SLC30A8: variants seen among roughly 807,000 people sequenced by gnomAD.
SLC30A8 encodes the protein proton-coupled zinc antiporter SLC30A8.
In SLC30A8, 27 loss-of-function variants were observed where a neutral mutation model predicts 36.9. The ratio of observed to expected loss-of-function variants is 0.73; its 90% CI spans 0.54 to 1.01. The LOEUF (loss-of-function observed/expected upper bound fraction) is 1.01, where lower values mean the gene tolerates loss of function less well. SLC30A8 is among the 50% of genes least tolerant of loss of function. The pLI, the probability that SLC30A8 is intolerant of heterozygous loss-of-function variation, is 0.00. For synonymous variants in SLC30A8, 164 were observed against 172.4 expected (o/e 0.95, Z 0.38); for missense variants, 439 against 452.0 (o/e 0.97, Z 0.26).
chr8:117,125,013 A>G (rs1021791814), intron 2 of SLC30A8, among the ~76,000 whole-genome samples: 4 of 151,974 alleles, frequency 2.6e-5, no homozygotes, highest in African/African-American at 9.7e-5. Context: ...TAAAAAAAAT[A>G]TTGAGATACC....
intron 2 of SLC30A8, among the ~76,000 whole-genome samples, chr8:117,083,100 C>A (rs1218988143): frequency 6.6e-6 from 1 of 152,220 alleles, no homozygotes; most frequent in Non-Finnish European, 1.5e-5. Flanking sequence ...ATTCCATTTA[C>A]TTTCCCCACA....
chr8:117,102,069 A>G (rs1394875), intron 2 of SLC30A8, among the ~76,000 whole-genome samples: 40,289 of 152,014 alleles, frequency 0.27, 6,177 homozygotes, highest in African/African-American at 0.43. Context: ...ATTTCATGCT[A>G]GATTCCAACT....
rs115044987 is a variant in SLC30A8 at position 117,029,407 on chromosome 8, A to T, written c.-265-9812A>T. The stretch of plus-strand genomic sequence containing the variant: ...TTTGTTTTATTTTAAGAGAATTTCA[A>T]TGAGATTGGAAATTTAGTTTCAGAG... On this transcript the variant is annotated intron_variant, in intron 1 of 10. Transcript: ENST00000427715. Among the ~76,000 whole-genome samples, 6 of 152,290 alleles carry T rather than the reference A, an allele frequency of 3.9e-5. 1 individual carries two copies. Among genetic ancestry groups the T allele is most frequent in the African/African-American group, 1.4e-4 (6 of 41,566 alleles).
intron 1 of SLC30A8, chr8:117,039,116 C>T (rs1817306618): frequency 1.3e-5 from 2 of 152,120 alleles, no homozygotes; most frequent in Non-Finnish European, 2.9e-5. Context: ...CAGTCTTGTG[C>T]ACCTACTGCA....
At chr8:117,100,055 C>T (rs1563596629) in intron 2 of SLC30A8, among the ~76,000 whole-genome samples, 1 of 152,110 alleles carries the variant, frequency 6.6e-6, no homozygotes, top group Non-Finnish European at 1.5e-5. Flanking sequence ...GCACTGTACC[C>T]TCCACCCCTT....
intron 2 of SLC30A8, among the ~76,000 whole-genome samples, chr8:117,066,969 A>T (rs1403004081): frequency 6.6e-6 from 1 of 152,186 alleles, no homozygotes; most frequent in Non-Finnish European, 1.5e-5. Flanking sequence ...TTATAAAGGA[A>T]AGAGGTTTAA....
chr8:116,997,005 G>T (rs1333315128), intron 1 of SLC30A8, among the ~76,000 whole-genome samples: 1 of 148,380 alleles, frequency 6.7e-6, no homozygotes, highest in African/African-American at 2.5e-5. Flanking sequence ...ACGGAGTTTT[G>T]CTCTTGTCAC....
chr8:116,971,103 A>G (rs1234041575), intron 1 of SLC30A8, among the ~76,000 whole-genome samples: 2 of 152,116 alleles, frequency 1.3e-5, no homozygotes, highest in Non-Finnish European at 2.9e-5. Context: ...CACAATAACA[A>G]CAACAACAAC....
At chr8:117,129,245 A>C (rs1821036537) in intron 2 of SLC30A8, among the ~76,000 whole-genome samples, 1 of 152,076 alleles carries the variant, frequency 6.6e-6, no homozygotes. Flanking sequence ...CGTTGTGCTC[A>C]AACTTTAGGA....
rs185941537 is a variant in SLC30A8 at position 117,127,626 on chromosome 8, A to G, written c.-225-7654A>G. 3.8e-3 allele frequency among the ~76,000 whole-genome samples: 571 copies of G among 151,920 alleles called. 2 individuals are homozygous for G. The highest frequency in any genetic ancestry group is 0.013 in the African/African-American group (551 of 41,336). On this transcript the variant is annotated intron_variant, in intron 2 of 10. Coordinates refer to the SLC30A8 transcript ENST00000427715. ...TCTAACTGTTCAGCACAATGTTATAAGTTTGTATCTGTAATTCCAGGCTCT... is the reference window on the plus strand; with the variant it reads ...TCTAACTGTTCAGCACAATGTTATAGGTTTGTATCTGTAATTCCAGGCTCT...
intron 1 of SLC30A8, among the ~76,000 whole-genome samples, chr8:117,139,585 G>C (rs1821546579): frequency 6.6e-6 from 1 of 151,948 alleles, no homozygotes; most frequent in Non-Finnish European, 1.5e-5. Flanking sequence ...TCAGATTGTT[G>C]GTCAATTCAT....
At chr8:117,013,627 T>A (rs1205868147) in intron 1 of SLC30A8, among the ~76,000 whole-genome samples, 3 of 152,176 alleles carry the variant, frequency 2.0e-5, no homozygotes, top group Admixed American at 1.3e-4. Flanking sequence ...ACCATATATA[T>A]ACCTGGACTT....
intron 1 of SLC30A8, among the ~76,000 whole-genome samples, chr8:117,003,447 A>G (rs1816079254): frequency 1.3e-5 from 2 of 152,198 alleles, no homozygotes; most frequent in African/African-American, 4.8e-5. Context: ...TTTAAAATGC[A>G]CATAAAGCTT....
chr8:117,070,692 GTCTA>G (rs1818304839), intron 2 of SLC30A8, among the ~76,000 whole-genome samples: 1 of 152,028 alleles, frequency 6.6e-6, no homozygotes, highest in Non-Finnish European at 1.5e-5. Flanking sequence ...CTATTCCCCT[GTCTA>G]TCTAAAACTT....
chr8:116,955,433 G>T (rs1402152486), intron 1 of SLC30A8, among the ~76,000 whole-genome samples: 4 of 152,058 alleles, frequency 2.6e-5, no homozygotes, highest in African/African-American at 9.6e-5. Context: ...TACAAGCCAG[G>T]GAATGCTGAG....
intron 6 of SLC30A8, 98 bp from the exon 7 acceptor site, chr8:117,170,936 C>A: frequency 1.0e-6 from 1 of 998,876 alleles, no homozygotes; most frequent in Non-Finnish European, 1.5e-6. Flanking sequence ...GGGATGAACA[C>A]ATTGAAATTT....
chr8:117,135,348 G>T lies in SLC30A8; in HGVS notation c.21G>T (p.Thr7=). The T allele has an allele frequency of 6.3e-7, 1 of 1,598,868 alleles. No homozygotes were observed. ...CCGTCATGGAGTTTCTTGAAAGAAC[G>T]TATCTTGTGAATGATAAAGCTGCCA... The part of the protein sequence containing the change: MEFLER[T]YLVNDKAAKM... The change falls in exon 1 of 8, where the codon ACG becomes ACT. Residue 7 remains threonine (T), a synonymous_variant. Transcript: ENST00000456015.
chr8:117,037,652 G>A (rs902805693), intron 1 of SLC30A8, among the ~76,000 whole-genome samples: 2 of 152,134 alleles, frequency 1.3e-5, no homozygotes, highest in African/African-American at 4.8e-5. Context: ...AGTGGATACA[G>A]CTGGAGGAAT....
intron 1 of SLC30A8, among the ~76,000 whole-genome samples, chr8:116,959,223 A>G (rs1268880679): frequency 6.6e-6 from 1 of 152,036 alleles, no homozygotes; most frequent in Admixed American, 6.5e-5. Context: ...CTTCAAGCCC[A>G]TTAATTATTT....
Sources: gnomAD v4.1 joint callset for allele counts (sites outside exome capture counted in the v4.1 genomes callset) on GRCh38, gnomAD v4.1.1 for gene constraint, MANE v1.5 for transcripts, NCBI Gene and HGNC (gene_info 2026-07-23, HGNC 2026-07-21) for gene names.